Variants in EZR observed in about 807,000 individuals in gnomAD.
The protein encoded by EZR is ezrin.
EZR carries 40 observed loss-of-function variants against 74.8 expected under a neutral mutation model. The observed-to-expected ratio is 0.53, with a 90% confidence interval of 0.42 to 0.70. The LOEUF (loss-of-function observed/expected upper bound fraction) is 0.70, where lower values mean the gene tolerates loss of function less well. EZR is among the 30% of genes least tolerant of loss of function. The pLI is 0.00. For missense variants in EZR, 678 were observed against 755.8 expected, an observed-to-expected ratio of 0.90 and a Z score of 1.21; for synonymous variants, 341 against 283.3, an observed-to-expected ratio of 1.20 and a Z score of -2.05.
rs975828223 is a variant in EZR at position 158,766,174 on chromosome 6, T to C, written c.*740A>G. The stretch of plus-strand genomic sequence containing the variant: ...TTATTCTGTAAAAGGTAACAAAATA[T>C]ACAGAACAAAACTTTCCCTTTTTAA... On this transcript the variant is annotated 3_prime_UTR_variant, in exon 14 of 14. Coordinates refer to ENST00000367075, the MANE Select transcript of EZR (RefSeq NM_001111077.2). The C allele has an allele frequency of 2.0e-5, 3 of 152,542 alleles. No individual in the cohort carries two copies. The highest frequency in any genetic ancestry group is 2.9e-5 in the Non-Finnish European group (2 of 68,042). 9.4% of individuals were successfully genotyped at this position (152,542 alleles called of 1,614,324 possible).
At chr6:158,801,534 C>CA (rs1376381546) in intron 2 of EZR, among the ~76,000 whole-genome samples, 16 of 152,158 alleles carry the variant, frequency 1.1e-4, no homozygotes, top group African/African-American at 3.9e-4. Flanking sequence ...CATTTCAGTG[C>CA]GCCATTTTAT....
chr6:158,770,846 C>A lies in EZR; in HGVS notation c.1008G>T (p.Glu336Asp). 6.2e-7 allele frequency: 1 copy of A among 1,614,204 alleles called. No homozygotes were observed. The change falls in exon 10 of 14, where the codon GAG (glutamate) becomes GAT (aspartate). Residue 336 changes from glutamate to aspartate, a missense_variant. By Grantham distance (45) the Glu-to-Asp change is conservative. This residue lies in a region of EZR where 342 missense variants were observed against 341.2 expected (regional missense o/e 1.00). Coordinates refer to ENST00000367075, the MANE Select transcript of EZR (RefSeq NM_001111077.2). ...CCTTCTCGCGCATCATCTGCTCTTT[C>A]TCTCTCTCCACGGTTTCTCTCCTTT... is the stretch of plus-strand genomic sequence containing the variant. ...EKKRRETVER[E>D]KEQMMREKEE...
Position 158,785,403 on chromosome 6 carries a change from A to G in EZR, c.373T>C (p.Leu125=), listed in dbSNP as rs775803984. 8.1e-6 allele frequency: 13 copies of G among 1,614,118 alleles called. No individual in the cohort carries two copies. The highest frequency in any genetic ancestry group is 1.7e-6 in the Non-Finnish European group (2 of 1,180,044). ...IYCPPETAVL[L]GSYAVQAKFG... ...TTGGCCTGCACAGCGTAGGACCCCA[A>G]GAGCACGGCAGTCTCAGGGGGGCAG... Residue 125 remains leucine, a synonymous_variant, in exon 5 of 14, where the codon TTG becomes CTG. Coordinates refer to ENST00000367075, the MANE Select transcript of EZR (RefSeq NM_001111077.2).
chr6:158,818,754 G>A (rs996923566), intron 1 of EZR, among the ~76,000 whole-genome samples: 2 of 150,332 alleles, frequency 1.3e-5, no homozygotes, highest in East Asian at 4.0e-4. Flanking sequence ...CGAGGGGCAG[G>A]AGGAACACCT....
intron 2 of EZR, among the ~76,000 whole-genome samples, chr6:158,815,809 A>G (rs1777541975): frequency 6.6e-6 from 1 of 152,252 alleles, no homozygotes; most frequent in African/African-American, 2.4e-5. Context: ...TGTAGATATT[A>G]TACAGAATAC....
intron 2 of EZR, among the ~76,000 whole-genome samples, chr6:158,801,068 G>A (rs1330737352): frequency 1.3e-5 from 2 of 152,194 alleles, no homozygotes; most frequent in African/African-American, 2.4e-5. Flanking sequence ...CTAGGAGGTC[G>A]AGCCTGCAGT....
chr6:158,791,706 A>ATTTATTTTT (rs1791751649), intron 2 of EZR, among the ~76,000 whole-genome samples: 3 of 96,262 alleles, frequency 3.1e-5, no homozygotes, highest in Non-Finnish European at 6.0e-5. Context: ...TTCAGACTCC[A>ATTTATTTTT]TTTTTTTTTT....
At chr6:158,802,826 G>A (rs925850995) in intron 2 of EZR, among the ~76,000 whole-genome samples, 6 of 152,016 alleles carry the variant, frequency 3.9e-5, no homozygotes, top group East Asian at 1.9e-4. Context: ...CACCGCGCCC[G>A]GCCAGGTTTT....
chr6:158,785,625 C>T (rs772384033), intron 4 of EZR, 42 bp from the exon 5 acceptor site: 23 of 1,602,460 alleles, frequency 1.4e-5, no homozygotes, highest in Middle Eastern at 1.7e-4. Context: ...ATCCGGAAGA[C>T]GAAGGCCCAC....
chr6:158,808,562 A>T (rs1777389667), intron 2 of EZR, among the ~76,000 whole-genome samples: 1 of 152,234 alleles, frequency 6.6e-6, no homozygotes, highest in African/African-American at 2.4e-5. Context: ...TTAGAATTTT[A>T]TCAGGTACAA....
intron 2 of EZR, among the ~76,000 whole-genome samples, chr6:158,814,014 G>A (rs560537569): frequency 6.6e-6 from 1 of 152,218 alleles, no homozygotes; most frequent in African/African-American, 2.4e-5. Context: ...TAACATGAAG[G>A]GGCGGGCAGA....
At chr6:158,769,276 TG>T in intron 12 of EZR, 49 bp downstream of exon 12, 1 of 1,546,478 alleles carries the variant, frequency 6.5e-7, no homozygotes, top group African/African-American at 1.4e-5. Context: ...CGCAGGCAAT[TG>T]GGCAACAGGT....
At chr6:158,768,878 A>T (rs116309571) in intron 12 of EZR, among the ~76,000 whole-genome samples, 2,433 of 152,272 alleles carry the variant, frequency 0.016, 55 homozygotes, top group African/African-American at 0.055. Flanking sequence ...CAGCCTGGAG[A>T]CGTCCAAGGA....
At chr6:158,775,329 G>A (rs1009490295) in intron 8 of EZR, among the ~76,000 whole-genome samples, 20 of 152,284 alleles carry the variant, frequency 1.3e-4, no homozygotes, top group Non-Finnish European at 4.4e-5. Context: ...ACTGAGCCTG[G>A]CCAAGACGTT....
At chr6:158,775,989 G>A (rs1176428315) in intron 8 of EZR, among the ~76,000 whole-genome samples, 1 of 152,126 alleles carries the variant, frequency 6.6e-6, no homozygotes, top group Non-Finnish European at 1.5e-5. Flanking sequence ...GCAATGCTTG[G>A]GTGCAAGTCT....
intron 4 of EZR, among the ~76,000 whole-genome samples, chr6:158,785,820 AG>A (rs1791564833): frequency 6.6e-6 from 1 of 151,694 alleles, no homozygotes; most frequent in East Asian, 1.9e-4. Flanking sequence ...CCAAGGCAGG[AG>A]GATCACTTGA....
chr6:158,784,629 G>A lies in EZR; in HGVS notation c.551+15C>T, dbSNP rs777295375. ...CGGAGATGGCAAGATCCCAACAGCA[G>A]GGCACAGCACTCACTTGAGCATCCC... is the stretch of plus-strand genomic sequence containing the variant. On this transcript the variant is annotated intron_variant, in intron 6 of 13. Coordinates refer to ENST00000367075, the MANE Select transcript of EZR (RefSeq NM_001111077.2). 1.2e-6 allele frequency: 2 copies of A among 1,611,750 alleles called. No homozygotes were observed. Among genetic ancestry groups the A allele is most frequent in the Non-Finnish European group, 1.7e-6 (2 of 1,177,866 alleles).
In EZR at chr6:158,784,731, G is replaced by A. The variant is rs766883419; in HGVS notation, c.468-4C>T. On this transcript the variant is annotated splice_polypyrimidine_tract_variant and splice_region_variant and intron_variant, in intron 5 of 13. Coordinates refer to ENST00000367075, the MANE Select transcript of EZR (RefSeq NM_001111077.2). ...AAGTTTGTGCTGGTCCATCACTCTG[G>A]AATGCAAAAGGAAACAGCACTGTCA... The A allele has an allele frequency of 6.8e-6, 11 of 1,613,948 alleles. No individual in the cohort carries two copies. In the South Asian group the frequency reaches 1.1e-4, roughly 16 times the overall value.
At chr6:158,768,489 C>T (rs1376993294) in intron 12 of EZR, among the ~76,000 whole-genome samples, 4 of 152,242 alleles carry the variant, frequency 2.6e-5, no homozygotes, top group African/African-American at 7.2e-5. Flanking sequence ...CCGGGAGACA[C>T]GTCCCCAGAA....
Sources: gnomAD v4.1 joint callset for allele counts (sites outside exome capture counted in the v4.1 genomes callset) on GRCh38, gnomAD v4.1.1 for gene constraint, gnomAD v4.1.1 regional missense constraint, MANE v1.5 for transcripts, NCBI Gene and HGNC (gene_info 2026-07-23, HGNC 2026-07-21) for gene names.